PARVA: variants seen among roughly 807,000 people sequenced by gnomAD.
The protein encoded by PARVA is parvin alpha.
In PARVA, 25 loss-of-function variants were observed where a neutral mutation model predicts 52.6. That is an observed-to-expected ratio of 0.48 (90% CI 0.35 to 0.66). The LOEUF (loss-of-function observed/expected upper bound fraction) is 0.66, where lower values mean the gene tolerates loss of function less well. Ranked by LOEUF, PARVA falls within the 30% of genes least tolerant of loss-of-function variation. The probability of loss-of-function intolerance (pLI) is 0.01; values close to 1 mark genes in which losing one functional copy is unlikely to be tolerated. For synonymous variants in PARVA, 185 were observed against 179.1 expected, an observed-to-expected ratio of 1.03 and a Z score of -0.26; for missense variants, 373 against 450.9, an observed-to-expected ratio of 0.83 and a Z score of 1.56.
At position 12,528,937 on chromosome 11, in the gene PARVA, A is replaced by G. The variant is rs1331737818; in HGVS notation, c.*1012A>G. 2 of 152,616 alleles carry G rather than the reference A, an allele frequency of 1.3e-5. No homozygotes were observed. The highest frequency in any genetic ancestry group is 1.9e-4 in the East Asian group (1 of 5,184). 9.5% of individuals were successfully genotyped at this position (152,616 alleles called of 1,614,324 possible). On this transcript the variant is annotated 3_prime_UTR_variant, in exon 13 of 13. Coordinates refer to ENST00000334956, the MANE Select transcript of PARVA (RefSeq NM_018222.5). ...TGATTGCATGTAATGGAAATGCCCT[A>G]TATTTTCCTGCAAAATAAGTACTAA...
chr11:12,518,132 A>G (rs1941593776), intron 11 of PARVA, among the ~76,000 whole-genome samples: 1 of 152,180 alleles, frequency 6.6e-6, no homozygotes, highest in South Asian at 2.1e-4. Flanking sequence ...CCTGTTGAAC[A>G]TGTCCTGCCA....
chr11:12,519,556 C>T (rs1270487197), intron 12 of PARVA, among the ~76,000 whole-genome samples: 1 of 152,196 alleles, frequency 6.6e-6, no homozygotes, highest in Non-Finnish European at 1.5e-5. Flanking sequence ...GGTGATACCA[C>T]TTCTGTCTTG....
At chr11:12,461,299 A>G (rs1307039475) in intron 1 of PARVA, among the ~76,000 whole-genome samples, 1 of 152,188 alleles carries the variant, frequency 6.6e-6, no homozygotes, top group Admixed American at 6.5e-5. Context: ...TTTCCTATGT[A>G]ATTAGCCAGC....
At chr11:12,387,017 C>T (rs1939581430) in intron 1 of PARVA, among the ~76,000 whole-genome samples, 1 of 152,206 alleles carries the variant, frequency 6.6e-6, no homozygotes, top group Non-Finnish European at 1.5e-5. Context: ...GGTTAACAAG[C>T]ACAGTTCATA....
chr11:12,521,364 A>C (rs942719293), intron 12 of PARVA, among the ~76,000 whole-genome samples: 1 of 152,336 alleles, frequency 6.6e-6, no homozygotes, highest in Non-Finnish European at 1.5e-5. Flanking sequence ...AACTCTAATC[A>C]TACCAAGTGT....
chr11:12,466,313 T>TG (rs1206969508), intron 1 of PARVA, among the ~76,000 whole-genome samples: 3 of 150,154 alleles, frequency 2.0e-5, no homozygotes, highest in East Asian at 3.9e-4. Flanking sequence ...ATTTAGTTGT[T>TG]TTTTTTTTTT....
intron 6 of PARVA, among the ~76,000 whole-genome samples, chr11:12,506,556 T>C (rs1941433648): frequency 6.6e-6 from 1 of 152,220 alleles, no homozygotes; most frequent in African/African-American, 2.4e-5. Flanking sequence ...TTTGAAACAG[T>C]GGTCATTGCA....
At chr11:12,428,452 G>A (rs1589953826) in intron 1 of PARVA, among the ~76,000 whole-genome samples, 1 of 152,198 alleles carries the variant, frequency 6.6e-6, no homozygotes, top group African/African-American at 2.4e-5. Context: ...CAGGGCTGGG[G>A]CCTGAGGACT....
intron 1 of PARVA, among the ~76,000 whole-genome samples, chr11:12,396,091 AC>A (rs1288315438): frequency 6.6e-6 from 1 of 152,176 alleles, no homozygotes; most frequent in East Asian, 1.9e-4. Context: ...CCTTACAGGA[AC>A]CCTGGGAGGT....
chr11:12,513,627 A>G (rs1412636970), intron 9 of PARVA: 2 of 632,672 alleles, frequency 3.2e-6, no homozygotes, highest in South Asian at 3.5e-5. Context: ...CACTCCTCAC[A>G]GAATTCCCTG....
rs1941740464 is a variant in PARVA, at chr11:12,529,092, C to A, written c.*1167C>A. The A allele has an allele frequency of 6.6e-6, 1 of 152,332 alleles. No homozygotes were observed. Among genetic ancestry groups the A allele is most frequent in the African/African-American group, 2.4e-5 (1 of 41,450 alleles). The allele number at this position is 152,332 out of a possible 1,614,324, so 9.4% of individuals were successfully genotyped here. On this transcript the variant is annotated 3_prime_UTR_variant, in exon 13 of 13. Coordinates refer to ENST00000334956, the MANE Select transcript of PARVA (RefSeq NM_018222.5). ...CCTTGAACTTTAAAGAAAGGAACTT[C>A]TTTTTGCCTTCTAATTGATCATTTA...
chr11:12,507,523 T>C lies in PARVA; in HGVS notation c.658-1061T>C, dbSNP rs1589984667. On this transcript the variant is annotated intron_variant, in intron 6 of 12. Transcript: ENST00000334956. ...GGCAGCTGCCCTCCCCTGGATGGCC[T>C]CTGGAACACATTTGTGCGTCCTGCC... Among the ~76,000 whole-genome samples the C allele has an allele frequency of 2.0e-5, 3 of 152,176 alleles. No individual in the cohort carries two copies. In the South Asian group the frequency reaches 6.2e-4, roughly 32 times the overall value.
chr11:12,413,657 C>G (rs1442607356), intron 1 of PARVA, among the ~76,000 whole-genome samples: 3 of 152,204 alleles, frequency 2.0e-5, no homozygotes, highest in Non-Finnish European at 4.4e-5. Context: ...TTACGTGCAC[C>G]TCTCCTCTGC....
In PARVA at chr11:12,440,584, A is replaced by G. The variant is rs77844997; in HGVS notation, c.137-33161A>G. Among the ~76,000 whole-genome samples, 667 of 152,340 alleles carry G rather than the reference A, an allele frequency of 4.4e-3. 8 individuals carry two copies. The highest frequency in any genetic ancestry group is 0.015 in the African/African-American group (644 of 41,586). Reference sequence around the variant, plus strand: ...TGGGTTCTCTGTTTAGAATCTCACAAAGCTGACGTCAAGTTGTTGGCTGGG... The same window carrying G: ...TGGGTTCTCTGTTTAGAATCTCACAGAGCTGACGTCAAGTTGTTGGCTGGG... On this transcript the variant is annotated intron_variant, in intron 1 of 12. Coordinates refer to ENST00000334956, the MANE Select transcript of PARVA (RefSeq NM_018222.5).
chr11:12,531,949 A>G lies in PARVA; in HGVS notation c.*4024A>G, dbSNP rs1227788522. Among the ~76,000 whole-genome samples, 1 of 152,190 alleles carries G rather than the reference A, an allele frequency of 6.6e-6. No individual in the cohort carries two copies. Among genetic ancestry groups the G allele is most frequent in the Non-Finnish European group, 1.5e-5 (1 of 68,040 alleles). ...AGAAAAGTCAGTATGAGTTACTCAC[A>G]ATCCTAACTACAAAGGCTACATTTA... On this transcript the variant is annotated 3_prime_UTR_variant, in exon 13 of 13. Transcript: ENST00000334956.
intron 1 of PARVA, among the ~76,000 whole-genome samples, chr11:12,415,162 G>C (rs1940047740): frequency 6.6e-6 from 1 of 152,170 alleles, no homozygotes; most frequent in Non-Finnish European, 1.5e-5. Context: ...CATGTCAGCT[G>C]CAGGCTGTGC....
chr11:12,505,668 T>C (rs1046626871), intron 6 of PARVA, among the ~76,000 whole-genome samples: 3 of 152,214 alleles, frequency 2.0e-5, no homozygotes, highest in African/African-American at 7.2e-5. Context: ...GTCCTCGTTA[T>C]TGAGCTCTTC....
At position 12,533,825 on chromosome 11, in the gene PARVA, GAGGAGGAGT is replaced by G. The variant is rs1258619594; in HGVS notation, c.*5904_*5912del. ...TGAGTAGGCGGAGGAGGAGGAGGAG[GAGGAGGAGT>G]AGGGGTTGGTCTTGCTGTCTGAGGG... On this transcript the variant is annotated 3_prime_UTR_variant, in exon 13 of 13. Coordinates refer to ENST00000334956, the MANE Select transcript of PARVA (RefSeq NM_018222.5). Among the ~76,000 whole-genome samples the G allele has an allele frequency of 4.6e-5, 7 of 152,016 alleles. No individual in the cohort carries two copies. Among genetic ancestry groups the G allele is most frequent in the Non-Finnish European group, 8.8e-5 (6 of 68,020 alleles).
rs10734198 is a variant in PARVA at position 12,430,672 on chromosome 11, C to T, written c.137-43073C>T. On this transcript the variant is annotated intron_variant, in intron 1 of 12. Transcript: ENST00000334956. Reference sequence around the variant, plus strand: ...ATTTACTAAGACCTTTCCATCTCACCCTTATTTTCCCTTATATCTTAAAAA... The same window carrying T: ...ATTTACTAAGACCTTTCCATCTCACTCTTATTTTCCCTTATATCTTAAAAA... Among the ~76,000 whole-genome samples, 4 of 152,242 alleles carry T rather than the reference C, an allele frequency of 2.6e-5. No homozygotes were observed. In the East Asian group the frequency reaches 5.8e-4, roughly 22 times the overall value.
Sources: allele counts gnomAD v4.1 joint callset (sites outside exome capture counted in the v4.1 genomes callset), GRCh38; gene constraint gnomAD v4.1.1; transcripts MANE v1.5; gene names NCBI Gene and HGNC (gene_info 2026-07-23, HGNC 2026-07-21).